The following CARF variants were observed in gnomAD, a reference collection of about 807,000 sequenced individuals.
CARF encodes calcium-responsive transcription factor.
A neutral mutation model predicts 82.0 loss-of-function variants in CARF; 57 were observed. The observed-to-expected ratio is 0.70, with a 90% CI of 0.56 to 0.87. CARF has a LOEUF of 0.87. CARF is among the 40% of genes least tolerant of loss of function. CARF has a pLI of 0.00. For synonymous variants in CARF, 268 were observed against 290.1 expected, an observed-to-expected ratio of 0.92 and a Z score of 0.77; for missense variants, 771 against 855.8, an observed-to-expected ratio of 0.90 and a Z score of 1.24.
At position 202,986,555 on chromosome 2, in the gene CARF, G is replaced by T. The variant is rs1369162969; in HGVS notation, c.*2931G>T. On this transcript the variant is annotated 3_prime_UTR_variant, in exon 17 of 17. Coordinates refer to ENST00000438828, the MANE Select transcript of CARF (RefSeq NM_024744.17). ...AAGTGAACTTTATATATACTACAGT[G>T]AATTATAGATAAATACAGCCATGGT... The T allele has an allele frequency of 6.6e-6, 1 of 151,890 alleles. No homozygotes were observed. The highest frequency in any genetic ancestry group is 1.5e-5 in the Non-Finnish European group (1 of 67,938). The allele number at this position is 151,890 out of a possible 1,614,324, so 9.4% of individuals were successfully genotyped here.
intron 13 of CARF, among the ~76,000 whole-genome samples, chr2:202,977,043 G>A (rs1220677741): frequency 6.6e-6 from 1 of 152,012 alleles, no homozygotes; most frequent in East Asian, 1.9e-4. Context: ...GTTAGAAGTA[G>A]TCCTTGTCAT....
At chr2:202,938,650 G>C (rs1357315087) in intron 3 of CARF, among the ~76,000 whole-genome samples, 3 of 82,758 alleles carry the variant, frequency 3.6e-5, no homozygotes, top group Admixed American at 1.2e-4. Context: ...TTGTGGGGGG[G>C]TTTTTTTTGT....
chr2:202,946,938 G>A (rs957089739), intron 5 of CARF, among the ~76,000 whole-genome samples: 18 of 152,102 alleles, frequency 1.2e-4, no homozygotes, highest in African/African-American at 3.6e-4. Flanking sequence ...ATCATCACAC[G>A]CCGGTTAGAA....
intron 11 of CARF, 126 bp from the exon 12 acceptor site, chr2:202,971,379 C>T: frequency 4.4e-6 from 2 of 459,560 alleles, no homozygotes; most frequent in Non-Finnish European, 7.5e-6. Flanking sequence ...ATAATTTTTT[C>T]TTAAAGGATT....
chr2:202,942,971 A>G lies in CARF; in HGVS notation c.306+4A>G. The G allele has an allele frequency of 6.2e-7, 1 of 1,610,750 alleles. No individual in the cohort carries two copies. Among genetic ancestry groups the G allele is most frequent in the Admixed American group, 1.7e-5 (1 of 59,674 alleles). On this transcript the variant is annotated splice_donor_region_variant and intron_variant, in intron 5 of 16. Coordinates refer to ENST00000438828, the MANE Select transcript of CARF (RefSeq NM_024744.17). ...GGGGGAATCCAATGCACAAATGGTG[A>G]GTATATTTTATAAGTAACCAGTTTT...
chr2:202,986,875 T>TAC lies in CARF; in HGVS notation c.*3252_*3253insCA, dbSNP rs1559298763. 57 of 91,662 alleles carry TAC rather than the reference T, an allele frequency of 6.2e-4. 2 individuals are homozygous for TAC. In the East Asian group the frequency reaches 9.3e-3, roughly 15 times the overall value. 5.7% of individuals were successfully genotyped at this position (91,662 alleles called of 1,614,324 possible). On this transcript the variant is annotated 3_prime_UTR_variant, in exon 17 of 17. Transcript: ENST00000438828. ...TTTAAAAAATGTCTGTGCGTATATA[T>TAC]ATATATATATATATATATATATATA...
intron 3 of CARF, among the ~76,000 whole-genome samples, chr2:202,940,295 GAA>G (rs1392138906): frequency 6.6e-6 from 1 of 151,810 alleles, no homozygotes; most frequent in East Asian, 1.9e-4. Flanking sequence ...GGGCCTCCCA[GAA>G]TGCTGAGATT....
intron 2 of CARF, among the ~76,000 whole-genome samples, chr2:202,922,818 A>G (rs1691082460): frequency 6.6e-6 from 1 of 152,048 alleles, no homozygotes; most frequent in South Asian, 2.1e-4. Flanking sequence ...CTCAAAAAAG[A>G]AAAAAGAAAT....
intron 2 of CARF, among the ~76,000 whole-genome samples, chr2:202,918,840 T>A (rs1331862577): frequency 6.6e-6 from 1 of 152,184 alleles, no homozygotes; most frequent in Non-Finnish European, 1.5e-5. Flanking sequence ...AACCAACTTT[T>A]CCGTATAGAA....
At chr2:202,920,603 G>A (rs1690617507) in intron 2 of CARF, among the ~76,000 whole-genome samples, 2 of 151,930 alleles carry the variant, frequency 1.3e-5, no homozygotes, top group Admixed American at 1.3e-4. Context: ...TAAGCCAGGT[G>A]CAGTGAGCCA....
chr2:202,936,129 C>T (rs1355706205), intron 3 of CARF, among the ~76,000 whole-genome samples: 1 of 152,128 alleles, frequency 6.6e-6, no homozygotes, highest in Non-Finnish European at 1.5e-5. Flanking sequence ...TGTATCCAGC[C>T]CCAAAATTCC....
At chr2:202,938,650 GTTTTTTTTGTT>G (rs1473337124) in intron 3 of CARF, among the ~76,000 whole-genome samples, 1 of 82,758 alleles carries the variant, frequency 1.2e-5, no homozygotes, top group Non-Finnish European at 2.9e-5. Flanking sequence ...TTGTGGGGGG[GTTTTTTTTGTT>G]TTTTTTTTGT....
rs1046661249 is a variant in CARF, at chr2:202,920,816, T to C, written c.-163+2773T>C. ...AAACGTTATATTCCTAATAGATATT[T>C]CATTTTTAATAAGCCCCTCAATAGG... On this transcript the variant is annotated intron_variant, in intron 2 of 16. Transcript: ENST00000438828. Among the ~76,000 whole-genome samples the C allele has an allele frequency of 5.9e-5, 9 of 152,312 alleles. No individual in the cohort carries two copies. In the South Asian group the frequency reaches 6.2e-4, roughly 11 times the overall value.
intron 1 of CARF, among the ~76,000 whole-genome samples, chr2:202,917,136 G>A (rs529273435): frequency 1.3e-5 from 2 of 148,494 alleles, no homozygotes; most frequent in African/African-American, 2.5e-5. Context: ...GCGTGAACCC[G>A]GGAGGCGGAG....
intron 16 of CARF, 58 bp downstream of exon 16, chr2:202,982,499 ATATTATAC>A (rs2060307452): frequency 1.9e-6 from 3 of 1,556,354 alleles, no homozygotes; most frequent in Non-Finnish European, 2.6e-6. Flanking sequence ...TATCATCACT[ATATTATAC>A]TATAGATAAA....
At chr2:202,919,047 AC>A (rs1690295282) in intron 2 of CARF, among the ~76,000 whole-genome samples, 2 of 152,122 alleles carry the variant, frequency 1.3e-5, no homozygotes, top group Admixed American at 6.5e-5. Flanking sequence ...TAGTGTACTT[AC>A]CTAAGCCAGT....
intron 5 of CARF, among the ~76,000 whole-genome samples, chr2:202,944,449 G>T (rs565614774): frequency 1.1e-4 from 17 of 152,212 alleles, no homozygotes; most frequent in Admixed American, 2.0e-4. Context: ...ATTTTACCTA[G>T]AATTAACCCT....
intron 10 of CARF, among the ~76,000 whole-genome samples, chr2:202,968,987 C>G (rs1297154049): frequency 1.3e-5 from 2 of 152,022 alleles, no homozygotes; most frequent in Non-Finnish European, 2.9e-5. Flanking sequence ...GTTAGGAGAA[C>G]CATATAAATA....
At chr2:202,936,104 G>A (rs1217363695) in intron 3 of CARF, among the ~76,000 whole-genome samples, 1 of 152,128 alleles carries the variant, frequency 6.6e-6, no homozygotes, top group African/African-American at 2.4e-5. Context: ...TGTTAGGATT[G>A]TAAGTGTGAG....
Sources: gnomAD v4.1 joint callset for allele counts (sites outside exome capture counted in the v4.1 genomes callset) on GRCh38, gnomAD v4.1.1 for gene constraint, MANE v1.5 for transcripts, NCBI Gene and HGNC (gene_info 2026-07-23, HGNC 2026-07-21) for gene names.